The following CDKAL1 variants were observed in gnomAD, a reference collection of about 807,000 sequenced individuals.
CDKAL1 encodes CDKAL1 threonylcarbamoyladenosine tRNA methylthiotransferase.
CDKAL1 carries 32 observed loss-of-function variants against 68.2 expected under a neutral mutation model. That is an observed-to-expected ratio of 0.47 (90% CI 0.35 to 0.63). The LOEUF (loss-of-function observed/expected upper bound fraction) is 0.63. Ranked by LOEUF, CDKAL1 falls within the 30% of genes least tolerant of loss-of-function variation. The probability of loss-of-function intolerance (pLI) is 0.00; values close to 1 mark genes in which losing one functional copy is unlikely to be tolerated. For synonymous variants in CDKAL1, 234 were observed against 244.3 expected (o/e 0.96, Z 0.39); for missense variants, 606 against 696.7 (o/e 0.87, Z 1.47).
chr6:20,802,572 A>T (rs1776413815), intron 8 of CDKAL1, among the ~76,000 whole-genome samples: 1 of 152,130 alleles, frequency 6.6e-6, no homozygotes, highest in Non-Finnish European at 1.5e-5. Flanking sequence ...TCTTATATGT[A>T]TACACACACA....
intron 13 of CDKAL1, among the ~76,000 whole-genome samples, chr6:21,174,824 CAA>C (rs1428588762): frequency 9.2e-5 from 14 of 151,858 alleles, no homozygotes; most frequent in Admixed American, 7.9e-4. Context: ...ACCCCGTATC[CAA>C]AGAGATATGC....
At chr6:20,798,115 C>A (rs1776192676) in intron 8 of CDKAL1, among the ~76,000 whole-genome samples, 2 of 151,830 alleles carry the variant, frequency 1.3e-5, no homozygotes, top group Admixed American at 6.6e-5. Context: ...ACCTCACCTG[C>A]CCTATATTAT....
chr6:20,564,710 A>G (rs1470563528), intron 4 of CDKAL1, among the ~76,000 whole-genome samples: 1 of 152,214 alleles, frequency 6.6e-6, no homozygotes, highest in Admixed American at 6.5e-5. Flanking sequence ...AAACCATTAA[A>G]TTTTTTAAGC....
At chr6:20,629,276 A>G (rs981181820) in intron 4 of CDKAL1, among the ~76,000 whole-genome samples, 9 of 152,200 alleles carry the variant, frequency 5.9e-5, no homozygotes, top group African/African-American at 2.2e-4. Context: ...ATCTTCAGAA[A>G]TGATGCTTTT....
intron 5 of CDKAL1, among the ~76,000 whole-genome samples, chr6:20,674,379 C>T (rs186635331): frequency 1.3e-5 from 2 of 152,220 alleles, no homozygotes; most frequent in Non-Finnish European, 2.9e-5. Flanking sequence ...CTGGCTTTTG[C>T]ACTATATCTA....
At chr6:21,047,021 T>C (rs1344108526) in intron 11 of CDKAL1, among the ~76,000 whole-genome samples, 1 of 152,186 alleles carries the variant, frequency 6.6e-6, no homozygotes, top group Non-Finnish European at 1.5e-5. Flanking sequence ...AAAATAAGCA[T>C]TGACCAAATG....
intron 13 of CDKAL1, among the ~76,000 whole-genome samples, chr6:21,170,953 C>A (rs1777359946): frequency 6.6e-6 from 1 of 152,154 alleles, no homozygotes; most frequent in Non-Finnish European, 1.5e-5. Context: ...GTAATATTGT[C>A]ACCATCACCA....
At chr6:20,564,329 T>G (rs1485523308) in intron 4 of CDKAL1, among the ~76,000 whole-genome samples, 1 of 152,246 alleles carries the variant, frequency 6.6e-6, no homozygotes, top group Non-Finnish European at 1.5e-5. Context: ...ACCTTTCATC[T>G]GTTAAAGATG....
At position 20,651,198 on chromosome 6, in the gene CDKAL1, T is replaced by C. The variant is rs184924728; in HGVS notation, c.371+1821T>C. 4.6e-5 allele frequency among the ~76,000 whole-genome samples: 7 copies of C among 152,296 alleles called. No individual in the cohort carries two copies. The East Asian group carries it at 1.4e-3, about 29-fold the overall frequency. ...TTCCTATCCATGAGCATGGAATGTTTTACCATTTGTTTGTTTCCTCTCTTA... is the reference window on the plus strand; with the variant it reads ...TTCCTATCCATGAGCATGGAATGTTCTACCATTTGTTTGTTTCCTCTCTTA... On this transcript the variant is annotated intron_variant, in intron 5 of 15. Transcript: ENST00000274695.
At chr6:20,696,214 C>T (rs1346909156) in intron 5 of CDKAL1, among the ~76,000 whole-genome samples, 3 of 152,198 alleles carry the variant, frequency 2.0e-5, no homozygotes, top group Admixed American at 6.5e-5. Flanking sequence ...AGCCCTCATC[C>T]TTTTAATAAA....
At chr6:21,075,786 A>T (rs964113812) in intron 12 of CDKAL1, among the ~76,000 whole-genome samples, 1 of 152,130 alleles carries the variant, frequency 6.6e-6, no homozygotes, top group South Asian at 2.1e-4. Flanking sequence ...AGGAAAGGTC[A>T]CCTAAGTTTA....
At chr6:21,132,925 A>G (rs1364943004) in intron 13 of CDKAL1, among the ~76,000 whole-genome samples, 1 of 152,026 alleles carries the variant, frequency 6.6e-6, no homozygotes, top group Non-Finnish European at 1.5e-5. Context: ...AACATTTTCT[A>G]GGCACACATG....
chr6:21,025,901 T>C (rs543099685), intron 11 of CDKAL1, among the ~76,000 whole-genome samples: 2 of 152,304 alleles, frequency 1.3e-5, no homozygotes, highest in South Asian at 4.1e-4. Flanking sequence ...TAAATTGTTC[T>C]CTAAATTCAC....
At chr6:21,197,993 C>G in intron 13 of CDKAL1, 28 bp from the exon 14 acceptor site, 3 of 1,470,782 alleles carry the variant, frequency 2.0e-6, no homozygotes, top group Non-Finnish European at 2.8e-6. Flanking sequence ...CTTATCTTTC[C>G]TTTCTTTCCC....
intron 4 of CDKAL1, among the ~76,000 whole-genome samples, chr6:20,618,445 T>C (rs1014512633): frequency 1.3e-5 from 2 of 152,232 alleles, no homozygotes; most frequent in Non-Finnish European, 2.9e-5. Context: ...ATTTTGGCTT[T>C]TGTTGCCATT....
At chr6:20,866,725 G>T (rs1382506024) in intron 9 of CDKAL1, among the ~76,000 whole-genome samples, 1 of 152,102 alleles carries the variant, frequency 6.6e-6, no homozygotes, top group Admixed American at 6.5e-5. Context: ...ATTTTACGGG[G>T]TTCCTGACTA....
intron 11 of CDKAL1, among the ~76,000 whole-genome samples, chr6:21,040,975 G>A (rs1322593480): frequency 6.6e-6 from 1 of 152,054 alleles, no homozygotes; most frequent in Non-Finnish European, 1.5e-5. Context: ...ATTGTTGCAG[G>A]GTTTTCAGAG....
chr6:20,907,659 A>G (rs888552271), intron 9 of CDKAL1, among the ~76,000 whole-genome samples: 1 of 152,140 alleles, frequency 6.6e-6, no homozygotes, highest in African/African-American at 2.4e-5. Flanking sequence ...TATTACAGGA[A>G]TGAGAGCTCC....
chr6:20,816,781 A>G (rs1777065082), intron 8 of CDKAL1, among the ~76,000 whole-genome samples: 1 of 152,108 alleles, frequency 6.6e-6, no homozygotes, highest in Non-Finnish European at 1.5e-5. Context: ...TCCTTATATA[A>G]GCTAGAACAT....
Sources: allele counts gnomAD v4.1 joint callset (sites outside exome capture counted in the v4.1 genomes callset), GRCh38; gene constraint gnomAD v4.1.1; transcripts MANE v1.5; gene names NCBI Gene and HGNC (gene_info 2026-07-23, HGNC 2026-07-21).